The following DISC1 variants were observed in gnomAD, a reference collection of about 807,000 sequenced individuals.
DISC1 encodes the protein DISC1 scaffold protein, also known as disrupted in schizophrenia 1 protein.
Under a neutral mutation model 84.5 loss-of-function variants are expected in DISC1, and 57 were observed. The observed-to-expected ratio is 0.67, with a 90% confidence interval of 0.55 to 0.84. The LOEUF (loss-of-function observed/expected upper bound fraction) is 0.84. DISC1 is among the 40% of genes least tolerant of loss of function. DISC1 has a pLI of 0.00. For synonymous variants in DISC1, 411 were observed against 415.2 expected (o/e 0.99, Z 0.12); for missense variants, 1,000 against 1,057.8 (o/e 0.95, Z 0.76).
chr1:231,965,364 T>C (rs1490107026), intron 10 of DISC1, among the ~76,000 whole-genome samples: 1 of 152,190 alleles, frequency 6.6e-6, no homozygotes, highest in African/African-American at 2.4e-5. Context: ...ATATCCCTCC[T>C]TCTCCTTATC....
At chr1:231,818,234 A>G in intron 8 of DISC1, 95 bp from the exon 9 acceptor site, 1 of 1,251,584 alleles carries the variant, frequency 8.0e-7, no homozygotes, top group Non-Finnish European at 1.2e-6. Flanking sequence ...TTCTTTGCCC[A>G]TGCTGTGAAT....
intron 10 of DISC1, among the ~76,000 whole-genome samples, chr1:231,966,526 T>G (rs1661141101): frequency 6.6e-6 from 1 of 152,248 alleles, no homozygotes; most frequent in Non-Finnish European, 1.5e-5. Context: ...AGGAATTCAT[T>G]ATTGCCTGAT....
At position 232,009,005 on chromosome 1, in the gene DISC1, C is replaced by T. The variant is rs61737326; in HGVS notation, c.2263C>T (p.His755Tyr). Residue 755 changes from histidine (H) to tyrosine (Y), a missense_variant, in exon 11 of 13, where the codon CAC becomes TAC. Physicochemically the swap from His to Tyr is moderately conservative, Grantham distance 83. Transcript: ENST00000439617. The surrounding 1 kb of genome is among the most constrained non-coding windows in gnomAD (Gnocchi z 4.6). Reference sequence around the variant, plus strand: ...GAAGGTATTGGAAGAATGGAAGACTCACCTCATCCCCTCTCTGCACTGTGC... The same window carrying T: ...GAAGGTATTGGAAGAATGGAAGACTTACCTCATCCCCTCTCTGCACTGTGC... The part of the protein sequence containing the change: ...PLKVLEEWKT[H>Y]LIPSLHCAGG... The T allele has an allele frequency of 4.4e-4, 703 of 1,613,924 alleles. 5 individuals are homozygous for T. In the African/African-American group the frequency reaches 8.0e-3, roughly 18 times the overall value.
Position 232,020,799 on chromosome 1 carries a change from T to C in DISC1, c.2308-5636T>C, listed in dbSNP as rs80113223. ...TTACTTATTTATTTATGTAGCTTTC[T>C]ATGAAGGCTTAGCAAATAAAACAGA... On this transcript the variant is annotated intron_variant, in intron 11 of 12. Coordinates refer to ENST00000439617, the MANE Select transcript of DISC1 (RefSeq NM_018662.3). Among the ~76,000 whole-genome samples the C allele has an allele frequency of 2.2e-3, 332 of 152,370 alleles. 1 individual carries two copies. The highest frequency in any genetic ancestry group is 7.2e-3 in the African/African-American group (301 of 41,582).
At position 231,680,745 on chromosome 1, in the gene DISC1, T is replaced by C. The variant is rs1386700030; in HGVS notation, c.68-13081T>C. 2.0e-5 allele frequency among the ~76,000 whole-genome samples: 3 copies of C among 152,250 alleles called. No homozygotes were observed. The East Asian group carries it at 5.8e-4, about 29-fold the overall frequency. Reference sequence around the variant, plus strand: ...ATGCTCCAGCTTCCAGTGTGCTGTTTCTGTGTGAAATACTGAAAATTTGGG... The same window carrying C: ...ATGCTCCAGCTTCCAGTGTGCTGTTCCTGTGTGAAATACTGAAAATTTGGG... On this transcript the variant is annotated intron_variant, in intron 1 of 12. Transcript: ENST00000439617.
At position 231,801,473 on chromosome 1, in the gene DISC1, A is replaced by C. The variant is rs965575682; in HGVS notation, c.1792+1263A>C. On this transcript the variant is annotated intron_variant, in intron 8 of 12. Coordinates refer to ENST00000439617, the MANE Select transcript of DISC1 (RefSeq NM_018662.3). ...TCTTCAGACTCCAGGGAAAATGCCC[A>C]AGATGGTATATTGCGTATGGCGCAG... Among the ~76,000 whole-genome samples the C allele has an allele frequency of 3.9e-5, 6 of 152,356 alleles. No homozygotes were observed. In the East Asian group the frequency reaches 1.2e-3, roughly 29 times the overall value.
At chr1:231,996,026 T>C (rs1040902294) in intron 10 of DISC1, among the ~76,000 whole-genome samples, 9 of 152,204 alleles carry the variant, frequency 5.9e-5, no homozygotes, top group African/African-American at 1.2e-4. Flanking sequence ...TTTTAATGAT[T>C]GCCATTCTAA....
In DISC1 at chr1:232,040,113, T is replaced by A. The variant is rs965150339; in HGVS notation, c.*3282T>A. 6.6e-6 allele frequency: 1 copy of A among 152,172 alleles called. No individual in the cohort carries two copies. The highest frequency in any genetic ancestry group is 2.4e-5 in the African/African-American group (1 of 41,424). 9.4% of individuals were successfully genotyped at this position (152,172 alleles called of 1,614,324 possible). Reference sequence around the variant, plus strand: ...TTCAAGCTATTCTACTGCCTCAGCCTCCCAAGTAGCTGGGGTTACAGGCAT... The same window carrying A: ...TTCAAGCTATTCTACTGCCTCAGCCACCCAAGTAGCTGGGGTTACAGGCAT... On this transcript the variant is annotated 3_prime_UTR_variant, in exon 13 of 13. Coordinates refer to ENST00000439617, the MANE Select transcript of DISC1 (RefSeq NM_018662.3).
chr1:231,694,113 G>C lies in DISC1; in HGVS notation c.355G>C (p.Gly119Arg), dbSNP rs1257176717. ...TSVRGTSAHF[G>R]IQLRGGTRLP... ...TGTGAGAGGAACCTCGGCGCACTTT[G>C]GGATTCAGCTCAGAGGTGGCACCAG... Residue 119 changes from glycine to arginine, a missense_variant, in exon 2 of 13, where the codon GGG becomes CGG. By Grantham distance (125) the Gly-to-Arg change is moderately radical. Around this residue, in one of 3 missense-constraint regions of DISC1, gnomAD observed 292 missense variants for 280.2 expected, o/e 1.04. Transcript: ENST00000439617. 2 of 1,614,180 alleles carry C rather than the reference G, an allele frequency of 1.2e-6. No homozygotes were observed. The highest frequency in any genetic ancestry group is 3.3e-5 in the Admixed American group (2 of 60,034).
At chr1:231,771,401 C>G in intron 6 of DISC1, 1 of 985,402 alleles carries the variant, frequency 1.0e-6, no homozygotes, top group Non-Finnish European at 1.2e-6. Flanking sequence ...GATCCTAATG[C>G]CAACTTTTGC....
chr1:231,939,837 G>T (rs2091206105), intron 9 of DISC1, among the ~76,000 whole-genome samples: 1 of 152,004 alleles, frequency 6.6e-6, no homozygotes, highest in South Asian at 2.1e-4. Flanking sequence ...CCGCCTCCCA[G>T]GTTCAAGCAA....
intron 9 of DISC1, among the ~76,000 whole-genome samples, chr1:231,836,287 A>G (rs2082627242): frequency 6.6e-6 from 1 of 152,110 alleles, no homozygotes; most frequent in South Asian, 2.1e-4. Flanking sequence ...GTTATTTCAT[A>G]GGTGAACGGA....
chr1:231,719,568 G>A (rs958985418), intron 3 of DISC1, among the ~76,000 whole-genome samples: 1 of 152,152 alleles, frequency 6.6e-6, no homozygotes, highest in Admixed American at 6.5e-5. Context: ...TATAAAATGG[G>A]ATAATAGGGT....
chr1:231,713,843 T>G (rs1336964370), intron 3 of DISC1, among the ~76,000 whole-genome samples: 30 of 126,856 alleles, frequency 2.4e-4, no homozygotes, highest in Admixed American at 5.6e-4. Flanking sequence ...ATATAGGAGA[T>G]ATATATATAT....
chr1:231,820,970 A>T (rs1441446370), intron 9 of DISC1, among the ~76,000 whole-genome samples: 2 of 152,204 alleles, frequency 1.3e-5, no homozygotes, highest in Non-Finnish European at 2.9e-5. Context: ...TGTGAAGTGT[A>T]TCTCTAATGA....
At chr1:231,836,341 G>A (rs2082630268) in intron 9 of DISC1, among the ~76,000 whole-genome samples, 1 of 152,272 alleles carries the variant, frequency 6.6e-6, no homozygotes, top group South Asian at 2.1e-4. Context: ...TGCAGTTTAA[G>A]GAGGGGGTTC....
intron 8 of DISC1, chr1:231,813,104 G>T (rs1237346474): frequency 6.6e-6 from 1 of 152,224 alleles, no homozygotes. Flanking sequence ...GGTCTCTCGA[G>T]CTTGCAGTGG....
At chr1:231,867,082 C>T (rs1312768139) in intron 9 of DISC1, among the ~76,000 whole-genome samples, 1 of 152,164 alleles carries the variant, frequency 6.6e-6, no homozygotes, top group South Asian at 2.1e-4. Context: ...GGCGTCAAAC[C>T]TCTGCTTCAG....
chr1:231,855,949 G>A (rs949925621), intron 9 of DISC1, among the ~76,000 whole-genome samples: 13 of 152,184 alleles, frequency 8.5e-5, no homozygotes, highest in African/African-American at 3.1e-4. Flanking sequence ...ATCCTAAAAT[G>A]GCACTTTGAA....
Sources: allele counts gnomAD v4.1 joint callset (sites outside exome capture counted in the v4.1 genomes callset), GRCh38; gene constraint gnomAD v4.1.1; regional missense constraint gnomAD v4.1.1; non-coding constraint Gnocchi (gnomAD v3.1); transcripts MANE v1.5; gene names NCBI Gene and HGNC (gene_info 2026-07-23, HGNC 2026-07-21).